PEX1: variants seen among roughly 807,000 people sequenced by gnomAD.
The protein encoded by PEX1 is peroxisomal ATPase PEX1.
PEX1 carries 97 observed loss-of-function variants against 152.5 expected under a neutral mutation model. The observed-to-expected ratio is 0.64, with a 90% CI of 0.54 to 0.75. The LOEUF (loss-of-function observed/expected upper bound fraction) is 0.75. PEX1 is among the 30% of genes least tolerant of loss of function. The probability of loss-of-function intolerance (pLI) is 0.00; values close to 1 mark genes in which losing one functional copy is unlikely to be tolerated. For missense variants in PEX1, 1,357 were observed against 1,516.3 expected, an observed-to-expected ratio of 0.89 and a Z score of 1.74; for synonymous variants, 485 against 531.6, an observed-to-expected ratio of 0.91 and a Z score of 1.21.
intron 9 of PEX1, chr7:92,507,546 C>T (rs1169791079): frequency 5.9e-6 from 1 of 170,810 alleles, no homozygotes; most frequent in Non-Finnish European, 1.3e-5. Context: ...CCACCATGCT[C>T]AGACTAGTTA....
chr7:92,520,372 G>T (rs1236417392), intron 2 of PEX1, among the ~76,000 whole-genome samples: 2 of 152,134 alleles, frequency 1.3e-5, no homozygotes, highest in Non-Finnish European at 2.9e-5. Context: ...GTATGCAAGG[G>T]ACTAGTGTTA....
intron 5 of PEX1, 117 bp from the exon 6 acceptor site, chr7:92,514,084 A>G: frequency 1.5e-6 from 1 of 684,416 alleles, no homozygotes; most frequent in South Asian, 1.9e-5. Flanking sequence ...AACAGAAGCT[A>G]TCATAATAAC....
At chr7:92,523,936 CATGTGTAATCTTT>C (rs1562870890) in intron 1 of PEX1, among the ~76,000 whole-genome samples, 1 of 152,126 alleles carries the variant, frequency 6.6e-6, no homozygotes. Context: ...CAGTGGCTCA[CATGTGTAATCTTT>C]ATACTTTGGG....
At chr7:92,519,149 T>A in intron 2 of PEX1, 71 bp from the exon 3 acceptor site, 1 of 837,912 alleles carries the variant, frequency 1.2e-6, no homozygotes, top group Non-Finnish European at 2.0e-6. Context: ...AAATAAGAAG[T>A]TATCTTCTTA....
In PEX1 at chr7:92,504,914, A is replaced by C; in HGVS notation, c.1901-12T>G. 1.9e-6 allele frequency: 3 copies of C among 1,605,252 alleles called. No homozygotes were observed. Among genetic ancestry groups the C allele is most frequent in the Non-Finnish European group, 1.7e-6 (2 of 1,171,914 alleles). The stretch of plus-strand genomic sequence containing the variant: ...TTCAAGCCTTTTTCCTTAATACAGA[A>C]GATATGAAATGGTTTCAGTATCATT... On this transcript the variant is annotated splice_polypyrimidine_tract_variant and intron_variant, in intron 11 of 23. Coordinates refer to ENST00000248633, the MANE Select transcript of PEX1 (RefSeq NM_000466.3).
At chr7:92,497,509 C>A (rs896220010) in intron 16 of PEX1, among the ~76,000 whole-genome samples, 1 of 149,956 alleles carries the variant, frequency 6.7e-6, no homozygotes, top group Non-Finnish European at 1.5e-5. Context: ...AAAAACCTTT[C>A]GAAATAAATT....
chr7:92,517,581 T>A lies in PEX1; in HGVS notation c.934A>T (p.Ile312Phe), dbSNP rs146312634. ...ATSVFHKHCA[I>F]HVFPWDQEYF... ...TCCTGGTCCCATGGAAATACATGAA[T>A]GGCACAGTGTTTATGAAAAACAGAG... Residue 312 changes from isoleucine to phenylalanine, a missense_variant, in exon 5 of 24, where the codon ATT (isoleucine) becomes TTT (phenylalanine). Coordinates refer to ENST00000248633, the MANE Select transcript of PEX1 (RefSeq NM_000466.3). 1.9e-6 allele frequency: 3 copies of A among 1,613,976 alleles called. No individual in the cohort carries two copies.
Position 92,517,893 on chromosome 7 carries a change from C to T in PEX1, c.622G>A (p.Gly208Arg). ...TTGGTTTGAAGTTCTTTCATCATTC[C>T]TTTCTGGTCTCTTCCATAACTATGA... ...KLHSYGRDQK[G>R]MMKELQTKQL... is the part of the protein sequence containing the mutation. The change falls in exon 5 of 24, where the codon GGA becomes AGA. Residue 208 changes from glycine to arginine, a missense_variant. By Grantham distance (125) the Gly-to-Arg change is moderately radical (BLOSUM62 -2). Coordinates refer to ENST00000248633, the MANE Select transcript of PEX1 (RefSeq NM_000466.3). The T allele has an allele frequency of 6.4e-7, 1 of 1,550,650 alleles. No homozygotes were observed. Among genetic ancestry groups the T allele is most frequent in the South Asian group, 1.3e-5 (1 of 78,792 alleles).
intron 1 of PEX1, among the ~76,000 whole-genome samples, chr7:92,523,129 C>T (rs1308491198): frequency 2.0e-5 from 3 of 152,238 alleles, no homozygotes; most frequent in African/African-American, 7.2e-5. Context: ...ATAGAGACCT[C>T]GGAAAACATA....
At position 92,491,556 on chromosome 7, in the gene PEX1, GAAAT is replaced by G. The variant is rs1458866500; in HGVS notation, c.3208-58_3208-55del. ...AAAGATGTAAACAATTTTAGTCTCAGAAATAAATAATAACATAGATAGCATTCTA... is the reference window on the plus strand; with the variant it reads ...AAAGATGTAAACAATTTTAGTCTCAGAAATAATAACATAGATAGCATTCTA... On this transcript the variant is annotated intron_variant, in intron 20 of 23. Transcript: ENST00000248633. The G allele has an allele frequency of 3.8e-6, 4 of 1,047,452 alleles. No homozygotes were observed. In the Admixed American group the frequency reaches 5.1e-5, roughly 13 times the overall value. The allele number at this position is 1,047,452 out of a possible 1,614,324, so 64.9% of individuals were successfully genotyped here.
chr7:92,496,329 G>A (rs1022022053), intron 17 of PEX1, among the ~76,000 whole-genome samples: 7 of 151,936 alleles, frequency 4.6e-5, no homozygotes, highest in African/African-American at 2.4e-5. Context: ...AATTAAATTG[G>A]CCAGATGGAC....
chr7:92,492,335 G>C (rs1410689739), intron 20 of PEX1, among the ~76,000 whole-genome samples: 1 of 152,138 alleles, frequency 6.6e-6, no homozygotes, highest in Non-Finnish European at 1.5e-5. Flanking sequence ...ACAGAGACAA[G>C]ATCCCACTCT....
chr7:92,488,821 C>T (rs2116034729), intron 23 of PEX1, among the ~76,000 whole-genome samples: 1 of 151,950 alleles, frequency 6.6e-6, no homozygotes, highest in East Asian at 1.9e-4. Context: ...GCAACCTCCA[C>T]CTCCTGGGTT....
At chr7:92,518,601 ACT>A (rs571734124) in intron 3 of PEX1, among the ~76,000 whole-genome samples, 13 of 152,080 alleles carry the variant, frequency 8.5e-5, no homozygotes, top group Non-Finnish European at 1.8e-4. Context: ...ACAAGGTCTC[ACT>A]CTGTTTTCCA....
Position 92,487,070 on chromosome 7 carries a change from C to T in PEX1, c.*387G>A, listed in dbSNP as rs1790959390. 1 of 154,642 alleles carries T rather than the reference C, an allele frequency of 6.5e-6. No individual in the cohort carries two copies. The highest frequency in any genetic ancestry group is 1.4e-5 in the Non-Finnish European group (1 of 69,824). The allele number at this position is 154,642 out of a possible 1,614,324, so 9.6% of individuals were successfully genotyped here. A position where few individuals can be genotyped will look rare whatever the true frequency, so the allele number is the denominator to read the frequency against. On this transcript the variant is annotated 3_prime_UTR_variant, in exon 24 of 24. Coordinates refer to ENST00000248633, the MANE Select transcript of PEX1 (RefSeq NM_000466.3). The stretch of plus-strand genomic sequence containing the variant: ...TTATTTCAAAACAGTGAAGAAGCTG[C>T]TAAGCATAAAATTTGTCAAATGCTA...
chr7:92,499,756 A>G lies in PEX1; in HGVS notation c.2666T>C (p.Leu889Ser). The change falls in exon 16 of 24, where the codon TTA becomes TCA. Residue 889 changes from leucine to serine, a missense_variant. By Grantham distance (145) the Leu-to-Ser change is moderately radical (BLOSUM62 -2). Transcript: ENST00000248633. ...CTCTCGTGCAATTACCCCAGCTAGTAAGGTTTTTCCTGTTCCAGGCGGACC... is the reference window on the plus strand; with the variant it reads ...CTCTCGTGCAATTACCCCAGCTAGTGAGGTTTTTCCTGTTCCAGGCGGACC... The part of the protein sequence containing the change: ...LYGPPGTGKT[L>S]LAGVIARESR... The G allele has an allele frequency of 6.2e-7, 1 of 1,613,522 alleles. No individual in the cohort carries two copies. Among genetic ancestry groups the G allele is most frequent in the South Asian group, 1.1e-5 (1 of 91,060 alleles).
chr7:92,525,946 G>GA (rs1793246473), intron 1 of PEX1, among the ~76,000 whole-genome samples: 1 of 152,188 alleles, frequency 6.6e-6, no homozygotes. Context: ...ATGGAAGGAA[G>GA]AAAAATGACT....
rs916693951 is a variant in PEX1, at chr7:92,503,162, A to G, written c.2105T>C (p.Met702Thr). The G allele has an allele frequency of 3.1e-6, 5 of 1,613,734 alleles. No homozygotes were observed. The highest frequency in any genetic ancestry group is 3.4e-6 in the Non-Finnish European group (4 of 1,179,846). Residue 702 changes from methionine to threonine, a missense_variant, in exon 13 of 24, where the codon ATG becomes ACG. Coordinates refer to ENST00000248633, the MANE Select transcript of PEX1 (RefSeq NM_000466.3). ...LNDMIKEFISMGSLVALIATS... is the reference protein window; with the variant it reads ...LNDMIKEFISTGSLVALIATS... ...GGCAATCAGTGCAACCAAACTTCCC[A>G]TGGAGATAAACTCTTTTATCATATC...
chr7:92,501,813 A>G (rs943464896), intron 14 of PEX1, 77 bp downstream of exon 14: 1 of 1,431,478 alleles, frequency 7.0e-7, no homozygotes, highest in African/African-American at 1.4e-5. Context: ...AATATATTTA[A>G]TTCTTGTCTT....
Sources: gnomAD v4.1 joint callset for allele counts (sites outside exome capture counted in the v4.1 genomes callset) on GRCh38, gnomAD v4.1.1 for gene constraint, MANE v1.5 for transcripts, NCBI Gene and HGNC (gene_info 2026-07-23, HGNC 2026-07-21) for gene names.